Variants in MNAT1 observed in about 807,000 individuals in gnomAD.
The protein encoded by MNAT1 is CDK-activating kinase assembly factor MAT1.
Under a neutral mutation model 42.0 loss-of-function variants are expected in MNAT1, and 43 were observed. The ratio of observed to expected loss-of-function variants is 1.02; its 90% CI spans 0.80 to 1.32. The LOEUF is 1.32. Among genes scored for constraint, MNAT1 ranks in the 40% most tolerant of loss-of-function variants. The pLI, the probability that MNAT1 is intolerant of heterozygous loss-of-function variation, is 0.00. For missense variants in MNAT1, 306 were observed against 350.4 expected, an observed-to-expected ratio of 0.87 and a Z score of 1.01; for synonymous variants, 118 against 120.0, an observed-to-expected ratio of 0.98 and a Z score of 0.11.
intron 6 of MNAT1, among the ~76,000 whole-genome samples, chr14:60,867,197 G>A (rs961948142): frequency 5.9e-5 from 9 of 152,070 alleles, no homozygotes; most frequent in Admixed American, 5.2e-4. Context: ...TGTCTTTGAT[G>A]TTTTCAAGCA....
chr14:60,963,225 C>G (rs1392903564), intron 7 of MNAT1, among the ~76,000 whole-genome samples: 1 of 152,130 alleles, frequency 6.6e-6, no homozygotes, highest in African/African-American at 2.4e-5. Flanking sequence ...CGTGATCTGC[C>G]CACCTCGCCC....
chr14:60,852,875 T>A (rs564723494), intron 6 of MNAT1, among the ~76,000 whole-genome samples: 1 of 152,344 alleles, frequency 6.6e-6, no homozygotes, highest in African/African-American at 2.4e-5. Context: ...GTGCTACTTC[T>A]GAGGTCTCTG....
At chr14:60,947,199 GT>G (rs776185243) in intron 7 of MNAT1, among the ~76,000 whole-genome samples, 1 of 151,984 alleles carries the variant, frequency 6.6e-6, no homozygotes, top group African/African-American at 2.4e-5. Flanking sequence ...GAACACAGCT[GT>G]TTTTTTAAAA....
At chr14:60,866,368 A>G (rs1416161225) in intron 6 of MNAT1, among the ~76,000 whole-genome samples, 5 of 145,594 alleles carry the variant, frequency 3.4e-5, no homozygotes, top group African/African-American at 1.3e-4. Flanking sequence ...TGCATGTCAC[A>G]GTATAGCTGT....
chr14:60,879,597 A>G, intron 6 of MNAT1, 117 bp from the exon 7 acceptor site: 2 of 994,608 alleles, frequency 2.0e-6, no homozygotes, highest in Non-Finnish European at 2.9e-6. Context: ...GGAACAGCAC[A>G]ACTAATGGCT....
intron 7 of MNAT1, among the ~76,000 whole-genome samples, chr14:60,894,646 A>G (rs968476555): frequency 6.6e-6 from 1 of 151,964 alleles, no homozygotes; most frequent in Non-Finnish European, 1.5e-5. Flanking sequence ...CATACTTAAC[A>G]TCTGATTTGA....
At chr14:60,911,949 G>A (rs969875607) in intron 7 of MNAT1, among the ~76,000 whole-genome samples, 10 of 151,904 alleles carry the variant, frequency 6.6e-5, no homozygotes, top group Admixed American at 3.9e-4. Flanking sequence ...TTATTGTGTG[G>A]GAGTCTAAGT....
At chr14:60,927,219 A>G (rs1271141730) in intron 7 of MNAT1, among the ~76,000 whole-genome samples, 1 of 152,162 alleles carries the variant, frequency 6.6e-6, no homozygotes, top group East Asian at 1.9e-4. Flanking sequence ...TTGGCCCTGT[A>G]AAAGGCACTC....
intron 7 of MNAT1, among the ~76,000 whole-genome samples, chr14:60,954,685 CAG>C (rs1425614816): frequency 2.6e-5 from 4 of 152,236 alleles, no homozygotes; most frequent in African/African-American, 7.2e-5. Context: ...TATCTGCAAA[CAG>C]AGACAATGTA....
intron 7 of MNAT1, among the ~76,000 whole-genome samples, chr14:60,902,838 A>G (rs2035099745): frequency 6.6e-6 from 1 of 152,004 alleles, no homozygotes; most frequent in Admixed American, 6.6e-5. Flanking sequence ...GTTATATATG[A>G]AAACTATTAA....
intron 7 of MNAT1, among the ~76,000 whole-genome samples, chr14:60,965,671 TATG>T (rs1478088441): frequency 2.0e-5 from 3 of 152,252 alleles, no homozygotes; most frequent in Non-Finnish European, 4.4e-5. Flanking sequence ...AATTCTCATT[TATG>T]ATGTTTGGCT....
intron 3 of MNAT1, among the ~76,000 whole-genome samples, chr14:60,807,492 G>A (rs1385916241): frequency 2.0e-5 from 3 of 152,114 alleles, no homozygotes; most frequent in Non-Finnish European, 2.9e-5. Flanking sequence ...GCTAAAGGAG[G>A]CTTGAATTGA....
chr14:60,786,989 T>G (rs1237174192), intron 1 of MNAT1, among the ~76,000 whole-genome samples: 1 of 152,180 alleles, frequency 6.6e-6, no homozygotes, highest in Non-Finnish European at 1.5e-5. Flanking sequence ...ATTAGTTGAA[T>G]TTGCCCTTCC....
intron 1 of MNAT1, among the ~76,000 whole-genome samples, chr14:60,769,245 A>G (rs4151167): frequency 0.22 from 33,483 of 152,078 alleles, 4,523 homozygotes; most frequent in Middle Eastern, 0.33. Context: ...ATATAAGTGT[A>G]TACATTATAT....
chr14:60,779,882 T>A (rs989120153), intron 1 of MNAT1: 1 of 714,100 alleles, frequency 1.4e-6, no homozygotes, highest in Non-Finnish European at 2.4e-6. Flanking sequence ...CTTTTGAAAC[T>A]CTTGGCGGGG....
At chr14:60,831,458 G>C (rs571352027) in intron 6 of MNAT1, among the ~76,000 whole-genome samples, 145 of 152,256 alleles carry the variant, frequency 9.5e-4, no homozygotes, top group African/African-American at 3.3e-3. Context: ...TTAGTTTGCT[G>C]AGAATGATGG....
chr14:60,955,564 G>A (rs561058210), intron 7 of MNAT1, among the ~76,000 whole-genome samples: 63 of 152,244 alleles, frequency 4.1e-4, no homozygotes, highest in African/African-American at 1.5e-3. Context: ...GGGAGACTGA[G>A]GCAAGATAAT....
chr14:60,775,986 G>A (rs2031236304), intron 1 of MNAT1, among the ~76,000 whole-genome samples: 1 of 152,192 alleles, frequency 6.6e-6, no homozygotes, highest in African/African-American at 2.4e-5. Flanking sequence ...GTGAACTTCA[G>A]TAAGGTTATG....
rs61149455 is a variant in MNAT1 at position 60,900,048 on chromosome 14, A to ATCTCTCTCTCTCTC, written c.809+20235_809+20248dup. 1.9e-3 allele frequency among the ~76,000 whole-genome samples: 264 copies of ATCTCTCTCTCTCTC among 136,404 alleles called. 2 individuals are homozygous for ATCTCTCTCTCTCTC. The highest frequency in any genetic ancestry group is 3.9e-3 in the African/African-American group (138 of 35,818). 89.5% of individuals were successfully genotyped at this position (136,404 alleles called of 152,430 possible). A position where few individuals can be genotyped will look rare whatever the true frequency, so the allele number is the denominator to read the frequency against. The stretch of plus-strand genomic sequence containing the variant: ...TGTTCTTCTGACTGGCTGTTTCCCC[A>ATCTCTCTCTCTCTC]TCTCTCTCTCTCTCTCTCTCTCTCT... On this transcript the variant is annotated intron_variant, in intron 7 of 7. Coordinates refer to ENST00000261245, the MANE Select transcript of MNAT1 (RefSeq NM_002431.4).
Sources: gnomAD v4.1 joint callset for allele counts (sites outside exome capture counted in the v4.1 genomes callset) on GRCh38, gnomAD v4.1.1 for gene constraint, MANE v1.5 for transcripts, NCBI Gene and HGNC (gene_info 2026-07-23, HGNC 2026-07-21) for gene names.